TOGARAM1: variants seen among roughly 807,000 people sequenced by gnomAD.
TOGARAM1 encodes the protein TOG array regulator of axonemal microtubules protein 1.
In TOGARAM1, 100 loss-of-function variants were observed where a neutral mutation model predicts 166.6. The observed-to-expected ratio is 0.60, with a 90% CI of 0.51 to 0.71. The LOEUF (loss-of-function observed/expected upper bound fraction) is 0.71. Among genes scored for constraint, TOGARAM1 ranks in the 30% least tolerant of loss-of-function variants. The pLI is 0.00. For missense variants in TOGARAM1, 2,029 were observed against 2,102.7 expected, an observed-to-expected ratio of 0.96 and a Z score of 0.69; for synonymous variants, 758 against 763.8, an observed-to-expected ratio of 0.99 and a Z score of 0.13.
intron 14 of TOGARAM1, 50 bp downstream of exon 14, chr14:45,046,753 A>G: frequency 3.3e-6 from 4 of 1,229,002 alleles, no homozygotes; most frequent in Non-Finnish European, 4.1e-6. Context: ...AGGGCTTAAA[A>G]GTAGGAAAAG....
chr14:44,968,540 G>A (rs533626089), intron 1 of TOGARAM1, among the ~76,000 whole-genome samples: 1 of 152,194 alleles, frequency 6.6e-6, no homozygotes, highest in Non-Finnish European at 1.5e-5. Flanking sequence ...GAGCCACCGC[G>A]CCCGGCCTGG....
At chr14:44,977,213 T>C (rs534325416) in intron 1 of TOGARAM1, among the ~76,000 whole-genome samples, 162 of 151,140 alleles carry the variant, frequency 1.1e-3, no homozygotes, top group Non-Finnish European at 2.2e-3. Flanking sequence ...TAGCATAAAT[T>C]GAAGAAAATT....
chr14:45,063,776 G>A (rs897351320), intron 16 of TOGARAM1, among the ~76,000 whole-genome samples: 3 of 152,082 alleles, frequency 2.0e-5, no homozygotes, highest in South Asian at 4.1e-4. Flanking sequence ...CTGGCTTCTC[G>A]CCCGACAAAG....
chr14:45,043,224 C>T lies in TOGARAM1; in HGVS notation c.3813-462C>T, dbSNP rs577328214. On this transcript the variant is annotated intron_variant, in intron 11 of 19. Transcript: ENST00000361462. The stretch of plus-strand genomic sequence containing the variant: ...ACGGAGTCTTGCTTTGTCATCCAGG[C>T]TGGAGTGCAGTGGTGCGATCTTGGC... 4.0e-5 allele frequency among the ~76,000 whole-genome samples: 6 copies of T among 151,890 alleles called. No homozygotes were observed. The South Asian group carries it at 1.0e-3, about 26-fold the overall frequency.
intron 1 of TOGARAM1, among the ~76,000 whole-genome samples, chr14:44,969,854 T>C (rs1310242186): frequency 6.6e-6 from 1 of 152,212 alleles, no homozygotes; most frequent in Non-Finnish European, 1.5e-5. Context: ...CAGCTGACTG[T>C]ATTCATGTGG....
intron 14 of TOGARAM1, among the ~76,000 whole-genome samples, chr14:45,051,696 A>T (rs1432024511): frequency 6.6e-6 from 1 of 150,962 alleles, no homozygotes; most frequent in Non-Finnish European, 1.5e-5. Context: ...AATAACTGGG[A>T]TTACCTGAGC....
rs549800504 is a variant in TOGARAM1 at position 45,016,088 on chromosome 14, G to C, written c.3238+4013G>C. Among the ~76,000 whole-genome samples the C allele has an allele frequency of 1.5e-3, 231 of 151,948 alleles. 1 individual carries two copies. Among genetic ancestry groups the C allele is most frequent in the Non-Finnish European group, 2.6e-3 (180 of 67,980 alleles). Reference sequence around the variant, plus strand: ...TTTTTTTTTTAGTGTAAAGTTAAAGGTGTCAATTTAAAAAAATACTTGTCA... The same window carrying C: ...TTTTTTTTTTAGTGTAAAGTTAAAGCTGTCAATTTAAAAAAATACTTGTCA... On this transcript the variant is annotated intron_variant, in intron 7 of 19. Coordinates refer to ENST00000361462, the MANE Select transcript of TOGARAM1 (RefSeq NM_001308120.2).
rs1881844563 is a variant in TOGARAM1, at chr14:45,043,784, T to C, written c.3911T>C (p.Val1304Ala). The change falls in exon 12 of 20, where the codon GTT becomes GCT. Residue 1304 changes from valine to alanine, a missense_variant. By Grantham distance (64) the Val-to-Ala change is moderately conservative (BLOSUM62 0). This residue lies in a region of TOGARAM1 where 576 missense variants were observed against 670.5 expected (regional missense o/e 0.86). Transcript: ENST00000361462. ...TTGCATGAAACAAATTTTGCAGTTG[T>C]TCAAGAGGTAAACTTATTTTTCAGA... ...TKLHETNFAV[V>A]QEVKNLRSGV... 1.9e-6 allele frequency: 3 copies of C among 1,586,124 alleles called. No homozygotes were observed. The highest frequency in any genetic ancestry group is 2.6e-6 in the Non-Finnish European group (3 of 1,154,526).
intron 7 of TOGARAM1, among the ~76,000 whole-genome samples, chr14:45,015,601 G>A (rs542652763): frequency 9.8e-4 from 147 of 150,648 alleles, no homozygotes; most frequent in Non-Finnish European, 1.8e-3. Flanking sequence ...TTAAATTACG[G>A]ATATAATAAC....
rs551586173 is a variant in TOGARAM1 at position 45,003,675 on chromosome 14, T to C, written c.2339-386T>C. On this transcript the variant is annotated intron_variant, in intron 3 of 19. Coordinates refer to ENST00000361462, the MANE Select transcript of TOGARAM1 (RefSeq NM_001308120.2). The stretch of plus-strand genomic sequence containing the variant: ...AAACATGTTGATGATAGGGAAAATA[T>C]GCACACCAAAACTAAAAACATTTTT... Among the ~76,000 whole-genome samples, 4 of 144,026 alleles carry C rather than the reference T, an allele frequency of 2.8e-5. No homozygotes were observed. The South Asian group carries it at 6.7e-4, about 24-fold the overall frequency. 94.5% of individuals were successfully genotyped at this position (144,026 alleles called of 152,430 possible).
intron 7 of TOGARAM1, among the ~76,000 whole-genome samples, chr14:45,017,493 C>G (rs1880222740): frequency 6.6e-6 from 1 of 152,078 alleles, no homozygotes; most frequent in African/African-American, 2.4e-5. Context: ...ATTAATAACT[C>G]CCAGATGCCC....
At chr14:45,073,207 G>A in intron 19 of TOGARAM1, 89 bp from the exon 20 acceptor site, 1 of 1,243,508 alleles carries the variant, frequency 8.0e-7, no homozygotes. Context: ...TAAGGAAGAA[G>A]CTTAGTATAT....
Position 45,027,321 on chromosome 14 carries a change from A to G in TOGARAM1, c.3351A>G (p.Ser1117=). ...VGKGVFGSLS[S]APATCSQSVI... is the part of the protein sequence containing the mutation. ...CAGGCGTATTTGGAAGTTTAAGTTC[A>G]GCACCAGCAACCTGCAGCCAATCAG... The change falls in exon 9 of 20, where the codon TCA becomes TCG. Residue 1117 remains serine, a synonymous_variant. Transcript: ENST00000361462. 6.2e-7 allele frequency: 1 copy of G among 1,613,268 alleles called. No individual in the cohort carries two copies. The highest frequency in any genetic ancestry group is 8.5e-7 in the Non-Finnish European group (1 of 1,179,758).
At chr14:45,043,529 C>T (rs1881832041) in intron 11 of TOGARAM1, among the ~76,000 whole-genome samples, 157 bp from the exon 12 acceptor site, 1 of 152,116 alleles carries the variant, frequency 6.6e-6, no homozygotes, top group African/African-American at 2.4e-5. Flanking sequence ...CCTCATGAAC[C>T]AACCTCTGCT....
chr14:44,987,586 A>G (rs1278887446), intron 1 of TOGARAM1, among the ~76,000 whole-genome samples: 53 of 151,646 alleles, frequency 3.5e-4, no homozygotes, highest in Admixed American at 3.4e-3. Flanking sequence ...AATGGCAATC[A>G]TTAAAAAGTC....
At position 45,062,694 on chromosome 14, in the gene TOGARAM1, T is replaced by G. The variant is rs551947158; in HGVS notation, c.4560-3884T>G. On this transcript the variant is annotated intron_variant, in intron 16 of 19. Coordinates refer to ENST00000361462, the MANE Select transcript of TOGARAM1 (RefSeq NM_001308120.2). ...CACTTTCAGTATAATATTCAATAAA[T>G]TATTCATTATAAAATAGGCTTTGTG... 2.5e-4 allele frequency among the ~76,000 whole-genome samples: 38 copies of G among 152,322 alleles called. No homozygotes were observed. The South Asian group carries it at 7.9e-3, about 32-fold the overall frequency.
chr14:44,962,798 G>C lies in TOGARAM1; in HGVS notation c.377G>C (p.Arg126Pro). 1.2e-6 allele frequency: 2 copies of C among 1,612,344 alleles called. No individual in the cohort carries two copies. The highest frequency in any genetic ancestry group is 1.7e-6 in the Non-Finnish European group (2 of 1,179,986). The change falls in exon 1 of 20, where the codon CGA becomes CCA. Residue 126 changes from arginine to proline, a missense_variant. Transcript: ENST00000361462. ...LQAALPRRGG[R>P]LGFPRRKEAL... The stretch of plus-strand genomic sequence containing the variant: ...GCTGCTTTGCCGCGGCGGGGCGGTC[G>C]ACTTGGCTTCCCCCGACGCAAGGAA...
intron 18 of TOGARAM1, among the ~76,000 whole-genome samples, chr14:45,070,871 G>GA (rs898904095): frequency 1.3e-5 from 2 of 152,086 alleles, no homozygotes; most frequent in African/African-American, 4.8e-5. Context: ...TAAAACTTAA[G>GA]AAAAAAATTC....
intron 7 of TOGARAM1, among the ~76,000 whole-genome samples, chr14:45,020,127 T>C (rs1880410074): frequency 1.3e-5 from 2 of 152,192 alleles, no homozygotes; most frequent in South Asian, 2.1e-4. Flanking sequence ...AACAATATTA[T>C]AGCTGCTAGA....
Sources: allele counts gnomAD v4.1 joint callset (sites outside exome capture counted in the v4.1 genomes callset), GRCh38; gene constraint gnomAD v4.1.1; regional missense constraint gnomAD v4.1.1; transcripts MANE v1.5; gene names NCBI Gene and HGNC (gene_info 2026-07-23, HGNC 2026-07-21).